ESRRG: variants seen among roughly 807,000 people sequenced by gnomAD.
ESRRG encodes the protein estrogen-related receptor gamma.
A neutral mutation model predicts 44.0 loss-of-function variants in ESRRG; 13 were observed. The observed-to-expected ratio is 0.30, with a 90% CI of 0.19 to 0.47. The LOEUF is 0.47. Ranked by LOEUF, ESRRG falls within the 20% of genes least tolerant of loss-of-function variation. ESRRG has a pLI of 1.00. For missense variants in ESRRG, 395 were observed against 580.6 expected, an observed-to-expected ratio of 0.68 and a Z score of 3.29; for synonymous variants, 215 against 214.6, an observed-to-expected ratio of 1.00 and a Z score of -0.02.
intron 2 of ESRRG, among the ~76,000 whole-genome samples, chr1:216,762,570 G>A (rs908508108): frequency 6.6e-5 from 6 of 91,422 alleles, no homozygotes; most frequent in African/African-American, 1.3e-4. Context: ...TGGGGGGAGT[G>A]GGGAGGGATA....
At chr1:217,109,061 C>G (rs1372244439) in intron 1 of ESRRG, among the ~76,000 whole-genome samples, 1 of 152,102 alleles carries the variant, frequency 6.6e-6, no homozygotes, top group African/African-American at 2.4e-5. Flanking sequence ...GATAGCCCAT[C>G]CACAAAAATG....
At chr1:216,796,572 A>C (rs939852849) in intron 2 of ESRRG, among the ~76,000 whole-genome samples, 1 of 152,148 alleles carries the variant, frequency 6.6e-6, no homozygotes, top group African/African-American at 2.4e-5. Context: ...TAATAAATAC[A>C]CAGTCTTCCA....
At chr1:217,011,127 G>A (rs1440676896) in intron 1 of ESRRG, among the ~76,000 whole-genome samples, 4 of 152,282 alleles carry the variant, frequency 2.6e-5, no homozygotes, top group African/African-American at 9.6e-5. Context: ...GTGTACATAT[G>A]TGTGAAGTCT....
chr1:216,588,841 C>G (rs888045862), intron 3 of ESRRG, among the ~76,000 whole-genome samples: 4 of 152,130 alleles, frequency 2.6e-5, no homozygotes, highest in African/African-American at 9.7e-5. Context: ...TCCCCACCCC[C>G]AAAACAAGCG....
At chr1:216,625,490 C>A (rs1230527668) in intron 3 of ESRRG, among the ~76,000 whole-genome samples, 2 of 148,204 alleles carry the variant, frequency 1.3e-5, no homozygotes, top group African/African-American at 5.0e-5. Flanking sequence ...ATAATAACGT[C>A]TTGCTTTTCC....
intron 2 of ESRRG, among the ~76,000 whole-genome samples, chr1:216,858,274 A>T (rs1281678881): frequency 7.3e-6 from 1 of 137,154 alleles, no homozygotes; most frequent in South Asian, 2.2e-4. Context: ...TGTCTCTACT[A>T]AAAAAAAAAA....
At chr1:216,662,003 G>A (rs1303479793) in intron 2 of ESRRG, among the ~76,000 whole-genome samples, 1 of 152,160 alleles carries the variant, frequency 6.6e-6, no homozygotes, top group African/African-American at 2.4e-5. Context: ...CTTTATGAAT[G>A]ACATGTGGAT....
At chr1:216,935,152 A>G (rs952784645) in intron 2 of ESRRG, among the ~76,000 whole-genome samples, 4 of 152,172 alleles carry the variant, frequency 2.6e-5, no homozygotes, top group African/African-American at 9.7e-5. Context: ...GCTTTCCCAC[A>G]TGTCAGTTCT....
chr1:216,994,685 C>T (rs1047796869), intron 1 of ESRRG, among the ~76,000 whole-genome samples: 3 of 152,066 alleles, frequency 2.0e-5, no homozygotes, highest in Non-Finnish European at 4.4e-5. Context: ...GGGTTCACGC[C>T]ATTCTCCTGC....
intron 1 of ESRRG, among the ~76,000 whole-genome samples, chr1:217,124,357 C>A (rs1373064934): frequency 6.6e-6 from 1 of 152,174 alleles, no homozygotes; most frequent in African/African-American, 2.4e-5. Flanking sequence ...TGGGATAGTA[C>A]TATATTTCTT....
At chr1:216,622,376 C>T (rs2062391214) in intron 3 of ESRRG, among the ~76,000 whole-genome samples, 1 of 152,158 alleles carries the variant, frequency 6.6e-6, no homozygotes, top group South Asian at 2.1e-4. Context: ...TGGTGCCTGC[C>T]ATTTTAAATG....
intron 5 of ESRRG, 138 bp downstream of exon 5, chr1:216,564,081 C>T (rs2059260176): frequency 2.0e-6 from 1 of 489,662 alleles, no homozygotes; most frequent in African/African-American, 2.0e-5. Context: ...ATGCAAAACT[C>T]TAAATTATGA....
At position 216,588,299 on chromosome 1, in the gene ESRRG, G is replaced by C. The variant is rs1035353247; in HGVS notation, c.590-20201C>G. 2.6e-5 allele frequency among the ~76,000 whole-genome samples: 4 copies of C among 152,012 alleles called. No individual in the cohort carries two copies. In the East Asian group the frequency reaches 7.7e-4, roughly 29 times the overall value. ...TGCTATTATGTCTCTTGTTCCCTTG[G>C]GCTACTGATTCTTCTGTAACCTTTT... On this transcript the variant is annotated intron_variant, in intron 3 of 6. Transcript: ENST00000408911.
At chr1:216,875,753 C>A (rs1288472686) in intron 2 of ESRRG, among the ~76,000 whole-genome samples, 2 of 152,016 alleles carry the variant, frequency 1.3e-5, no homozygotes, top group African/African-American at 4.8e-5. Context: ...TCTTTTGGTG[C>A]ATATTCTGTT....
chr1:216,957,636 C>T (rs1285072200), intron 1 of ESRRG, among the ~76,000 whole-genome samples: 1 of 152,100 alleles, frequency 6.6e-6, no homozygotes, highest in African/African-American at 2.4e-5. Flanking sequence ...TTCATCCTTA[C>T]CACCTCTATC....
chr1:216,585,975 G>A (rs2063708174), intron 3 of ESRRG, among the ~76,000 whole-genome samples: 1 of 152,118 alleles, frequency 6.6e-6, no homozygotes, highest in Non-Finnish European at 1.5e-5. Context: ...GGGAGGCGGA[G>A]CTTGCAGTGA....
chr1:216,567,965 C>T (rs1273620282), intron 4 of ESRRG, 23 bp downstream of exon 4: 1 of 1,511,210 alleles, frequency 6.6e-7, no homozygotes, highest in Non-Finnish European at 9.2e-7. Context: ...TTCTGGGAAG[C>T]CAGACACATC....
chr1:216,658,848 AAGAAGAGAAGAGAAGAGAAGAGAAG>A (rs199919171), intron 2 of ESRRG, among the ~76,000 whole-genome samples: 2,037 of 125,146 alleles, frequency 0.016, 34 homozygotes, highest in African/African-American at 0.04. Flanking sequence ...AAGAAAGTAA[AAGAAGAGAAGAGAAGAGAAGAGAAG>A]AGAAGAGAAG....
chr1:216,656,533 G>A (rs576452459), intron 2 of ESRRG, among the ~76,000 whole-genome samples: 2 of 152,106 alleles, frequency 1.3e-5, no homozygotes, highest in Non-Finnish European at 2.9e-5. Context: ...GCTAGCTGGC[G>A]GATAGAATAA....
Sources: gnomAD v4.1 joint callset for allele counts (sites outside exome capture counted in the v4.1 genomes callset) on GRCh38, gnomAD v4.1.1 for gene constraint, MANE v1.5 for transcripts, NCBI Gene and HGNC (gene_info 2026-07-23, HGNC 2026-07-21) for gene names.